The following DRC4 variants were observed in gnomAD, a reference collection of about 807,000 sequenced individuals.
DRC4 encodes the protein dynein regulatory complex subunit 4.
At chr16:90,028,909 A>G in the DRC4 span, 2 of 1,281,564 alleles carry the variant, frequency 1.6e-6, no homozygotes, top group Non-Finnish European at 2.0e-6. Flanking sequence ...TCCTTGAACA[A>G]TGGTAAAGAA....
the DRC4 span, chr16:90,042,518 C>T: frequency 6.2e-7 from 1 of 1,613,782 alleles, no homozygotes; most frequent in Non-Finnish European, 8.5e-7. Flanking sequence ...GCAGTATGAG[C>T]TGGCCCAGGT....
the DRC4 span, among the ~76,000 whole-genome samples, chr16:90,028,172 C>CTTT: frequency 1.3e-5 from 1 of 75,004 alleles, no homozygotes. Context: ...ATTAATCGTT[C>CTTT]ATTTTTTTTT....
the DRC4 span, among the ~76,000 whole-genome samples, chr16:90,033,768 A>G: frequency 6.6e-6 from 1 of 152,118 alleles, no homozygotes; most frequent in Admixed American, 6.6e-5. Flanking sequence ...GAAAGGAGAG[A>G]CAACAGGTGA....
chr16:90,032,767 T>C, the DRC4 span: 1 of 1,613,960 alleles, frequency 6.2e-7, no homozygotes, highest in Non-Finnish European at 8.5e-7. Context: ...CAGAACAACC[T>C]GACAGAGATG....
chr16:90,043,557 G>A, the DRC4 span: 2 of 600,186 alleles, frequency 3.3e-6, no homozygotes, highest in East Asian at 2.9e-5. Flanking sequence ...CCTTCCCTGG[G>A]TGCCGCACGT....
chr16:90,031,361 C>T, the DRC4 span: 4 of 1,612,960 alleles, frequency 2.5e-6, no homozygotes, highest in African/African-American at 4.0e-5. Context: ...AACGAAACTA[C>T]TTCCAGCTGG....
At chr16:90,043,476 G>A in the DRC4 span, 1 of 944,250 alleles carries the variant, frequency 1.1e-6, no homozygotes, top group East Asian at 2.6e-5. Context: ...ACATGTTCTT[G>A]CCATCCTCTT....
the DRC4 span, among the ~76,000 whole-genome samples, chr16:90,023,693 C>G: frequency 1.4e-5 from 2 of 146,458 alleles, no homozygotes; most frequent in South Asian, 2.2e-4. Context: ...ATGAAAGAAA[C>G]TACCAAACTA....
At chr16:90,033,574 G>A in the DRC4 span, among the ~76,000 whole-genome samples, 7 of 152,238 alleles carry the variant, frequency 4.6e-5, no homozygotes, top group African/African-American at 1.7e-4. Context: ...GCTGAGGCGG[G>A]AGGATCCCTT....
the DRC4 span, chr16:90,020,050 C>T: frequency 1.5e-6 from 1 of 685,002 alleles, no homozygotes; most frequent in Non-Finnish European, 2.7e-6. Context: ...CCAGATTCAG[C>T]GATTGCCAGC....
chr16:90,037,680 G>T, the DRC4 span: 1 of 1,381,384 alleles, frequency 7.2e-7, no homozygotes, highest in Non-Finnish European at 1.0e-6. Flanking sequence ...TTTTGGCCTT[G>T]CCATCTCCCA....
the DRC4 span, chr16:90,031,414 A>G: frequency 1.9e-6 from 3 of 1,613,590 alleles, no homozygotes; most frequent in Non-Finnish European, 8.5e-7. Flanking sequence ...ACACGGAGGC[A>G]GCTGGAGGAG....
the DRC4 span, chr16:90,039,972 G>A: frequency 2.4e-5 from 9 of 373,100 alleles, no homozygotes; most frequent in Admixed American, 1.1e-4. Context: ...GCCCTCACTC[G>A]GGCAAGACTG....
At chr16:90,043,113 T>C in the DRC4 span, 5 of 1,459,296 alleles carry the variant, frequency 3.4e-6, no homozygotes, top group African/African-American at 2.8e-5. Flanking sequence ...ATGCTCACGC[T>C]GCCCCTCCAT....
At chr16:90,033,276 T>G in the DRC4 span, among the ~76,000 whole-genome samples, 1 of 152,192 alleles carries the variant, frequency 6.6e-6, no homozygotes, top group Non-Finnish European at 1.5e-5. Flanking sequence ...CATTAAAATA[T>G]CCAGTGTGTT....
the DRC4 span, chr16:90,028,901 C>T: frequency 1.6e-6 from 2 of 1,272,206 alleles, no homozygotes; most frequent in Non-Finnish European, 2.1e-6. Flanking sequence ...GGCAGAGGTC[C>T]TTGAACAATG....
the DRC4 span, chr16:90,037,413 T>G: frequency 1.2e-5 from 19 of 1,602,864 alleles, no homozygotes; most frequent in Non-Finnish European, 1.5e-5. Context: ...AGTTTCCCGC[T>G]GGATTCCTCT....
the DRC4 span, chr16:90,039,938 T>G: frequency 3.2e-6 from 1 of 310,010 alleles, no homozygotes; most frequent in Non-Finnish European, 6.4e-6. Context: ...ATGCCCTGGA[T>G]CTCAAATCTC....
At chr16:90,029,429 T>G in the DRC4 span, 1 of 827,072 alleles carries the variant, frequency 1.2e-6, no homozygotes, top group Non-Finnish European at 1.7e-6. Flanking sequence ...TCTGGATATT[T>G]ATAAGAAATC....
Sources: allele counts gnomAD v4.1 joint callset (sites outside exome capture counted in the v4.1 genomes callset), GRCh38; gene constraint gnomAD v4.1.1; transcripts MANE v1.5; gene names NCBI Gene and HGNC (gene_info 2026-07-23, HGNC 2026-07-21).